The following VTI1A variants were observed in gnomAD, a reference collection of about 807,000 sequenced individuals.
The protein encoded by VTI1A is vesicle transport through interaction with t-SNAREs 1A, also known as vesicle transport through interaction with t-SNAREs homolog 1A.
In VTI1A, 22 loss-of-function variants were observed where a neutral mutation model predicts 34.9. The observed-to-expected ratio is 0.63, with a 90% CI of 0.45 to 0.90. The LOEUF is 0.90. Among genes scored for constraint, VTI1A ranks in the 40% least tolerant of loss-of-function variants. VTI1A has a pLI of 0.00. For synonymous variants in VTI1A, 87 were observed against 97.3 expected, an observed-to-expected ratio of 0.89 and a Z score of 0.62; for missense variants, 268 against 275.6, an observed-to-expected ratio of 0.97 and a Z score of 0.20.
intron 7 of VTI1A, among the ~76,000 whole-genome samples, chr10:112,727,412 T>G (rs961127829): frequency 6.9e-6 from 1 of 144,460 alleles, no homozygotes; most frequent in Non-Finnish European, 1.5e-5. Context: ...TATTCCCTAA[T>G]GATACCCTGC....
intron 3 of VTI1A, among the ~76,000 whole-genome samples, chr10:112,470,737 C>A (rs1848045879): frequency 6.6e-6 from 1 of 151,982 alleles, no homozygotes; most frequent in South Asian, 2.1e-4. Context: ...ACTAAAATTG[C>A]AAAAATTAGC....
At chr10:112,607,566 A>C (rs1369139963) in intron 5 of VTI1A, among the ~76,000 whole-genome samples, 1 of 152,228 alleles carries the variant, frequency 6.6e-6, no homozygotes, top group Non-Finnish European at 1.5e-5. Flanking sequence ...AAAGTATCCT[A>C]CTGCCCCACT....
intron 5 of VTI1A, among the ~76,000 whole-genome samples, chr10:112,569,602 T>C (rs1320589555): frequency 6.6e-6 from 1 of 152,216 alleles, no homozygotes; most frequent in African/African-American, 2.4e-5. Context: ...TGTTGGCAGA[T>C]AACTGTACAT....
chr10:112,704,201 A>T (rs1849112794), intron 7 of VTI1A, among the ~76,000 whole-genome samples: 1 of 152,178 alleles, frequency 6.6e-6, no homozygotes, highest in South Asian at 2.1e-4. Context: ...TGGCTACTTG[A>T]CTGTCATTGA....
At chr10:112,684,123 C>T (rs1374895086) in intron 7 of VTI1A, among the ~76,000 whole-genome samples, 1 of 151,126 alleles carries the variant, frequency 6.6e-6, no homozygotes, top group Non-Finnish European at 1.5e-5. Context: ...CATAATTATA[C>T]TGGCTAAAGG....
chr10:112,611,814 T>C (rs1845326500), intron 5 of VTI1A, among the ~76,000 whole-genome samples: 1 of 143,760 alleles, frequency 7.0e-6, no homozygotes, highest in Admixed American at 7.3e-5. Context: ...CTATCTCAGC[T>C]CACTGCAAGC....
At chr10:112,796,439 T>C (rs1386998255) in intron 7 of VTI1A, among the ~76,000 whole-genome samples, 1 of 150,354 alleles carries the variant, frequency 6.7e-6, no homozygotes, top group Non-Finnish European at 1.5e-5. Flanking sequence ...GTCATGTGTC[T>C]GCAAGGGGTG....
At chr10:112,827,921 T>C in the VTI1A span, among the ~76,000 whole-genome samples, 408 of 151,220 alleles carry the variant, frequency 2.7e-3, 1 homozygote, top group Non-Finnish European at 4.7e-3. Flanking sequence ...AGGTTTTTAT[T>C]TTTCTTTAAT....
chr10:112,764,151 G>A (rs893818220), intron 7 of VTI1A, among the ~76,000 whole-genome samples: 19 of 152,140 alleles, frequency 1.2e-4, no homozygotes, highest in African/African-American at 2.7e-4. Flanking sequence ...TGGACATGGC[G>A]CCCTCTGGAA....
intron 7 of VTI1A, among the ~76,000 whole-genome samples, chr10:112,703,604 TA>T (rs1849089255): frequency 6.6e-6 from 1 of 152,172 alleles, no homozygotes; most frequent in Admixed American, 6.5e-5. Context: ...TATGATGCAT[TA>T]TATATAATTA....
the VTI1A span, among the ~76,000 whole-genome samples, chr10:112,842,034 T>G: frequency 3.3e-5 from 5 of 149,288 alleles, no homozygotes; most frequent in South Asian, 1.0e-3. Flanking sequence ...AAGGAGTTCT[T>G]TTCTTTTTTT....
intron 3 of VTI1A, among the ~76,000 whole-genome samples, chr10:112,482,011 A>G (rs1848473237): frequency 6.6e-6 from 1 of 152,216 alleles, no homozygotes; most frequent in South Asian, 2.1e-4. Context: ...GTAACTTATG[A>G]TATCAGTTTG....
intron 5 of VTI1A, among the ~76,000 whole-genome samples, chr10:112,626,916 G>T (rs1431942092): frequency 1.3e-5 from 2 of 152,158 alleles, no homozygotes; most frequent in Admixed American, 1.3e-4. Flanking sequence ...ATTTTGTTCT[G>T]TTCAGACTGG....
At chr10:112,766,255 A>T (rs1234916050) in intron 7 of VTI1A, among the ~76,000 whole-genome samples, 1 of 152,258 alleles carries the variant, frequency 6.6e-6, no homozygotes, top group African/African-American at 2.4e-5. Flanking sequence ...AACTGACTAC[A>T]AGCAATGCAA....
rs147591417 is a variant in VTI1A at position 112,660,048 on chromosome 10, C to T, written c.428-8170C>T. On this transcript the variant is annotated intron_variant, in intron 5 of 7. Transcript: ENST00000393077. ...ATACATCTGTGGGCCTTATTTGGCC[C>T]CGTGCTCTAGTTTTCTTATATGCTC... Among the ~76,000 whole-genome samples, 808 of 152,218 alleles carry T rather than the reference C, an allele frequency of 5.3e-3. 4 individuals carry two copies. Among genetic ancestry groups the T allele is most frequent in the Non-Finnish European group, 8.1e-3 (548 of 68,006 alleles).
At chr10:112,724,105 TA>T (rs560583793) in intron 7 of VTI1A, among the ~76,000 whole-genome samples, 34 of 152,288 alleles carry the variant, frequency 2.2e-4, no homozygotes, top group African/African-American at 8.2e-4. Flanking sequence ...CCCATGTTAA[TA>T]GTTGTTTGCT....
At chr10:112,557,326 C>G (rs1851573479) in intron 5 of VTI1A, among the ~76,000 whole-genome samples, 1 of 151,996 alleles carries the variant, frequency 6.6e-6, no homozygotes, top group Non-Finnish European at 1.5e-5. Context: ...TTTAATTTTT[C>G]CTCTGCTAGG....
chr10:112,849,540 G>A, the VTI1A span, among the ~76,000 whole-genome samples: 335 of 152,316 alleles, frequency 2.2e-3, 2 homozygotes, highest in African/African-American at 7.7e-3. Flanking sequence ...TAGAAAACCC[G>A]CCTTTCGATG....
intron 7 of VTI1A, among the ~76,000 whole-genome samples, chr10:112,812,626 C>T (rs1853357981): frequency 6.6e-6 from 1 of 152,202 alleles, no homozygotes; most frequent in Admixed American, 6.5e-5. Context: ...TGCACAACTC[C>T]TTTGAGGTCC....
Sources: allele counts gnomAD v4.1 joint callset (sites outside exome capture counted in the v4.1 genomes callset), GRCh38; gene constraint gnomAD v4.1.1; transcripts MANE v1.5; gene names NCBI Gene and HGNC (gene_info 2026-07-23, HGNC 2026-07-21).